SLC25A48: variants seen among roughly 807,000 people sequenced by gnomAD.
The protein encoded by SLC25A48 is CTC-321K16.1.
SLC25A48 carries 29 observed loss-of-function variants against 32.2 expected under a neutral mutation model. The observed-to-expected ratio is 0.90, with a 90% CI of 0.67 to 1.23. The LOEUF (loss-of-function observed/expected upper bound fraction) is 1.23, where lower values mean the gene tolerates loss of function less well. Ranked by LOEUF, SLC25A48 falls within the 50% of genes most tolerant of loss-of-function variation. The probability of loss-of-function intolerance (pLI) is 0.00; values close to 1 mark genes in which losing one functional copy is unlikely to be tolerated. For synonymous variants in SLC25A48, 164 were observed against 172.3 expected (o/e 0.95, Z 0.38); for missense variants, 399 against 422.7 (o/e 0.94, Z 0.49).
intron 1 of SLC25A48, among the ~76,000 whole-genome samples, chr5:135,610,173 T>C (rs1752033275): frequency 6.6e-6 from 1 of 152,156 alleles, no homozygotes; most frequent in African/African-American, 2.4e-5. Flanking sequence ...GGGGGCACGG[T>C]GACCCTAGGC....
chr5:135,742,061 G>T (rs1561471393), intron 3 of SLC25A48, among the ~76,000 whole-genome samples: 3 of 152,074 alleles, frequency 2.0e-5, no homozygotes, highest in Non-Finnish European at 2.9e-5. Flanking sequence ...TAAGGAATCA[G>T]TTTTTTTAAT....
intron 3 of SLC25A48, among the ~76,000 whole-genome samples, chr5:135,641,072 A>G (rs1262038714): frequency 5.3e-5 from 8 of 152,242 alleles, no homozygotes; most frequent in Non-Finnish European, 1.0e-4. Context: ...AAGCAATGTC[A>G]TCTTGTATGT....
intron 3 of SLC25A48, among the ~76,000 whole-genome samples, chr5:135,763,292 A>C (rs1438899239): frequency 6.6e-6 from 1 of 152,046 alleles, no homozygotes; most frequent in Non-Finnish European, 1.5e-5. Context: ...CCTGGCATAC[A>C]AGGTGGTAGC....
At chr5:135,801,787 G>A (rs1355461694) in intron 3 of SLC25A48, among the ~76,000 whole-genome samples, 1 of 151,588 alleles carries the variant, frequency 6.6e-6, no homozygotes, top group Non-Finnish European at 1.5e-5. Flanking sequence ...AGGGAGAAAG[G>A]GAATAATATT....
At chr5:135,798,626 C>A (rs1396610489) in intron 3 of SLC25A48, among the ~76,000 whole-genome samples, 1 of 151,598 alleles carries the variant, frequency 6.6e-6, no homozygotes, top group Non-Finnish European at 1.5e-5. Flanking sequence ...AAATTTTGCA[C>A]CCCCTGCTGT....
At chr5:135,710,670 G>T (rs1209081950) in intron 3 of SLC25A48, among the ~76,000 whole-genome samples, 1 of 152,224 alleles carries the variant, frequency 6.6e-6, no homozygotes, top group Non-Finnish European at 1.5e-5. Context: ...TAGGTTATGT[G>T]CATAGGAAAG....
At chr5:135,692,987 G>T (rs1399014923) in intron 3 of SLC25A48, among the ~76,000 whole-genome samples, 2 of 152,270 alleles carry the variant, frequency 1.3e-5, no homozygotes, top group East Asian at 3.9e-4. Context: ...CTTAATACCA[G>T]TTAAGATCAA....
chr5:135,751,977 A>G (rs1755781520), intron 3 of SLC25A48, among the ~76,000 whole-genome samples: 4 of 152,228 alleles, frequency 2.6e-5, no homozygotes, highest in African/African-American at 9.6e-5. Context: ...GAAAAAAATG[A>G]ACTTCAACTA....
At chr5:135,653,984 T>TG in intron 3 of SLC25A48, 1 of 453,276 alleles carries the variant, frequency 2.2e-6, no homozygotes, top group South Asian at 1.6e-5. Flanking sequence ...AGGGCTAACC[T>TG]GGGACCTGCC....
At chr5:135,837,447 A>C (rs1271392980) in intron 1 of SLC25A48, among the ~76,000 whole-genome samples, 2 of 152,120 alleles carry the variant, frequency 1.3e-5, no homozygotes. Flanking sequence ...TGTTCTCGGG[A>C]ATTTGTCTTT....
intron 4 of SLC25A48, among the ~76,000 whole-genome samples, chr5:135,826,170 A>T (rs1758041764): frequency 6.6e-6 from 1 of 151,974 alleles, no homozygotes; most frequent in African/African-American, 2.4e-5. Flanking sequence ...CCCTTGGCAG[A>T]TTCTCCCAGC....
At chr5:135,747,694 C>T (rs1755672917) in intron 3 of SLC25A48, among the ~76,000 whole-genome samples, 2 of 152,288 alleles carry the variant, frequency 1.3e-5, no homozygotes, top group South Asian at 2.1e-4. Flanking sequence ...TGGCCCCAGA[C>T]ACTAAGAATA....
intron 3 of SLC25A48, among the ~76,000 whole-genome samples, chr5:135,657,891 C>G (rs891752832): frequency 5.9e-5 from 9 of 152,202 alleles, no homozygotes; most frequent in Admixed American, 1.3e-4. Flanking sequence ...CACTCACTAT[C>G]ATGAGAATAG....
At chr5:135,829,189 A>C (rs1758142166) in intron 4 of SLC25A48, among the ~76,000 whole-genome samples, 1 of 152,166 alleles carries the variant, frequency 6.6e-6, no homozygotes, top group Admixed American at 6.5e-5. Context: ...TCAGCACTCA[A>C]ACTCCTCTGA....
At chr5:135,790,545 C>A (rs1192460282) in intron 3 of SLC25A48, among the ~76,000 whole-genome samples, 1 of 136,294 alleles carries the variant, frequency 7.3e-6, no homozygotes, top group African/African-American at 2.9e-5. Flanking sequence ...ACTGTAATTT[C>A]CTAGGGGGAT....
chr5:135,696,205 G>A (rs1201477351), intron 3 of SLC25A48, among the ~76,000 whole-genome samples: 3 of 152,246 alleles, frequency 2.0e-5, no homozygotes, highest in African/African-American at 4.8e-5. Context: ...AGACCACCAG[G>A]TAGGGACCAG....
intron 1 of SLC25A48, among the ~76,000 whole-genome samples, chr5:135,620,999 A>G (rs1360860542): frequency 2.6e-5 from 4 of 152,160 alleles, no homozygotes; most frequent in African/African-American, 7.2e-5. Flanking sequence ...CAGATGATCT[A>G]TTCAAAGTTT....
chr5:135,615,241 A>G (rs1752158655), intron 1 of SLC25A48, among the ~76,000 whole-genome samples: 1 of 152,188 alleles, frequency 6.6e-6, no homozygotes, highest in Non-Finnish European at 1.5e-5. Flanking sequence ...AGAAAATAGG[A>G]AGATGAGGGA....
At chr5:135,732,209 T>C (rs1220160415) in intron 3 of SLC25A48, among the ~76,000 whole-genome samples, 2 of 152,210 alleles carry the variant, frequency 1.3e-5, no homozygotes, top group Admixed American at 6.5e-5. Context: ...TCCTGAAGAT[T>C]GAGGACCGTA....
Sources: allele counts gnomAD v4.1 joint callset (sites outside exome capture counted in the v4.1 genomes callset), GRCh38; gene constraint gnomAD v4.1.1; transcripts MANE v1.5; gene names NCBI Gene and HGNC (gene_info 2026-07-23, HGNC 2026-07-21).